Variants in TMEM236 observed in about 807,000 individuals in gnomAD.
TMEM236 encodes family with sequence similarity 23, member A.
TMEM236 carries 11 observed loss-of-function variants against 14.7 expected under a neutral mutation model. That is an observed-to-expected ratio of 0.75 (90% CI 0.47 to 1.24). TMEM236 has a LOEUF of 1.24. Among genes scored for constraint, TMEM236 ranks in the 50% most tolerant of loss-of-function variants. The pLI is 0.00. For missense variants in TMEM236, 464 were observed against 427.3 expected (o/e 1.09, Z -0.76); for synonymous variants, 182 against 168.6 (o/e 1.08, Z -0.62).
At chr10:17,770,666 A>G (rs1837556116) in intron 1 of TMEM236, among the ~76,000 whole-genome samples, 1 of 152,202 alleles carries the variant, frequency 6.6e-6, no homozygotes, top group Admixed American at 6.5e-5. Context: ...TACAGGCGTG[A>G]GCCACCGTGC....
intron 3 of TMEM236, among the ~76,000 whole-genome samples, chr10:17,780,627 A>C (rs1426089127): frequency 6.6e-6 from 1 of 152,184 alleles, no homozygotes; most frequent in East Asian, 1.9e-4. Context: ...TTGGGCCTCC[A>C]AGAACTAAGG....
intron 2 of TMEM236, among the ~76,000 whole-genome samples, chr10:17,773,460 C>T (rs1837607572): frequency 6.6e-6 from 1 of 152,104 alleles, no homozygotes; most frequent in East Asian, 1.9e-4. Flanking sequence ...GCCTCAGGCT[C>T]CCCATCAGCT....
chr10:17,765,956 C>T (rs1837455867), intron 1 of TMEM236, among the ~76,000 whole-genome samples: 1 of 152,242 alleles, frequency 6.6e-6, no homozygotes. Context: ...AGAAGTCCAA[C>T]AGCATTCCTT....
intron 1 of TMEM236, among the ~76,000 whole-genome samples, chr10:17,756,270 C>T (rs1416307679): frequency 1.3e-5 from 2 of 152,018 alleles, no homozygotes; most frequent in African/African-American, 4.8e-5. Flanking sequence ...AACAAAAAGA[C>T]AGAGAAATAT....
chr10:17,753,215 G>A (rs1837234789), intron 1 of TMEM236, among the ~76,000 whole-genome samples: 1 of 152,076 alleles, frequency 6.6e-6, no homozygotes, highest in Admixed American at 6.5e-5. Flanking sequence ...TCCTTAGCAG[G>A]GAATCCCCGT....
At chr10:17,772,231 G>A (rs933261688) in intron 2 of TMEM236, among the ~76,000 whole-genome samples, 10 of 152,182 alleles carry the variant, frequency 6.6e-5, no homozygotes, top group African/African-American at 2.4e-4. Flanking sequence ...GGGCAGTACC[G>A]AGTAATGTAT....
chr10:17,755,069 G>C (rs1258869683), intron 1 of TMEM236, among the ~76,000 whole-genome samples: 12 of 151,244 alleles, frequency 7.9e-5, no homozygotes, highest in Admixed American at 7.2e-4. Context: ...CTCCTGAGTT[G>C]CTGGGATTAC....
At position 17,765,600 on chromosome 10, in the gene TMEM236, T is replaced by G. The variant is rs1837450015; in HGVS notation, c.258-5709T>G. ...TGGAGCAGGATAGACATTACCATTCTGAAAGGGAGAAATTGGAAGGGGAAC... is the reference window on the plus strand; with the variant it reads ...TGGAGCAGGATAGACATTACCATTCGGAAAGGGAGAAATTGGAAGGGGAAC... On this transcript the variant is annotated intron_variant, in intron 1 of 3. Coordinates refer to ENST00000377495, the MANE Select transcript of TMEM236 (RefSeq NM_001098844.3). 2.0e-5 allele frequency among the ~76,000 whole-genome samples: 3 copies of G among 152,312 alleles called. No homozygotes were observed. In the South Asian group the frequency reaches 6.2e-4, roughly 32 times the overall value.
intron 1 of TMEM236, among the ~76,000 whole-genome samples, chr10:17,753,547 C>G (rs890638596): frequency 1.3e-5 from 2 of 152,180 alleles, no homozygotes; most frequent in Non-Finnish European, 2.9e-5. Flanking sequence ...TGGCCTCCAG[C>G]TCCATCCATG....
chr10:17,780,659 T>A (rs1215458326), intron 3 of TMEM236, among the ~76,000 whole-genome samples: 4 of 151,986 alleles, frequency 2.6e-5, no homozygotes, highest in Non-Finnish European at 1.5e-5. Flanking sequence ...CAAATGGCCA[T>A]GTTTGGGAAG....
intron 1 of TMEM236, among the ~76,000 whole-genome samples, chr10:17,768,108 T>TGTAGAGACGAG (rs1837504020): frequency 6.9e-6 from 1 of 145,690 alleles, no homozygotes. Flanking sequence ...TTTTTTTTTT[T>TGTAGAGACGAG]GTAGAGACGA....
intron 1 of TMEM236, among the ~76,000 whole-genome samples, chr10:17,769,855 A>T (rs1554834633): frequency 1.3e-5 from 2 of 152,150 alleles, no homozygotes. Context: ...TGTATTTTAG[A>T]TTCAGGAGGT....
In TMEM236 at chr10:17,773,182, T is replaced by C. The variant is rs924200967; in HGVS notation, c.330+1801T>C. Among the ~76,000 whole-genome samples, 45 of 152,244 alleles carry C rather than the reference T, an allele frequency of 3.0e-4. 1 individual carries two copies. The highest frequency in any genetic ancestry group is 2.9e-3 in the Admixed American group (45 of 15,286). On this transcript the variant is annotated intron_variant, in intron 2 of 3. Transcript: ENST00000377495. ...CATGAGCAAGCATTTCTGTTGGTTA[T>C]GTATGCAGGAGCAGAACTGATGGAT...
At position 17,796,087 on chromosome 10, in the gene TMEM236, G is replaced by T; in HGVS notation, c.639G>T (p.Met213Ile). 6.2e-7 allele frequency: 1 copy of T among 1,613,828 alleles called. No individual in the cohort carries two copies. Among genetic ancestry groups the T allele is most frequent in the Non-Finnish European group, 8.5e-7 (1 of 1,179,848 alleles). ...CACGGAGCCAGGAGTCTGTGTTCAT[G>T]GGACCCCAGGAGCCCTCCTGTGACT... ...AMTRSQESVFMGPQEPSCDSG... is the reference protein window; with the variant it reads ...AMTRSQESVFIGPQEPSCDSG... Residue 213 changes from methionine (M) to isoleucine (I), a missense_variant, in exon 4 of 4, where the codon ATG (methionine) becomes ATT (isoleucine). Coordinates refer to ENST00000377495, the MANE Select transcript of TMEM236 (RefSeq NM_001098844.3).
At chr10:17,769,393 A>G (rs1255122391) in intron 1 of TMEM236, among the ~76,000 whole-genome samples, 1 of 152,216 alleles carries the variant, frequency 6.6e-6, no homozygotes. Flanking sequence ...ACAGTTGGGT[A>G]GACAAGTCAG....
chr10:17,754,196 TA>T (rs1402553612), intron 1 of TMEM236, among the ~76,000 whole-genome samples: 1 of 152,226 alleles, frequency 6.6e-6, no homozygotes, highest in Non-Finnish European at 1.5e-5. Context: ...TGTAGAATTT[TA>T]ATTTTGCGTA....
chr10:17,781,689 T>C (rs1406735661), intron 3 of TMEM236, among the ~76,000 whole-genome samples: 1 of 139,868 alleles, frequency 7.1e-6, no homozygotes, highest in African/African-American at 2.7e-5. Flanking sequence ...GAGATTGCAG[T>C]GAGCTGAGAT....
At chr10:17,758,680 A>G (rs1837315899) in intron 1 of TMEM236, among the ~76,000 whole-genome samples, 1 of 152,238 alleles carries the variant, frequency 6.6e-6, no homozygotes, top group Non-Finnish European at 1.5e-5. Flanking sequence ...TTCATTAAAA[A>G]TGTGATCGTG....
At chr10:17,788,666 T>A (rs1837875589) in intron 3 of TMEM236, among the ~76,000 whole-genome samples, 1 of 152,314 alleles carries the variant, frequency 6.6e-6, no homozygotes, top group African/African-American at 2.4e-5. Flanking sequence ...ACAAAATAAT[T>A]CTCTTAACAT....
Sources: gnomAD v4.1 joint callset for allele counts (sites outside exome capture counted in the v4.1 genomes callset) on GRCh38, gnomAD v4.1.1 for gene constraint, MANE v1.5 for transcripts, NCBI Gene and HGNC (gene_info 2026-07-23, HGNC 2026-07-21) for gene names.